Variants in SRGAP1 observed in about 807,000 individuals in gnomAD.
SRGAP1 encodes the protein SLIT-ROBO Rho GTPase activating protein 1.
In SRGAP1, 43 loss-of-function variants were observed where a neutral mutation model predicts 121.9. The observed-to-expected ratio is 0.35, with a 90% CI of 0.28 to 0.46. The LOEUF (loss-of-function observed/expected upper bound fraction) is 0.46. SRGAP1 is among the 20% of genes least tolerant of loss of function. SRGAP1 has a pLI of 1.00. For synonymous variants in SRGAP1, 447 were observed against 485.4 expected (o/e 0.92, Z 1.04); for missense variants, 1,102 against 1,350.9 (o/e 0.82, Z 2.89).
chr12:64,039,628 C>CGTGTGTGTGTGT (rs6144742), intron 4 of SRGAP1, among the ~76,000 whole-genome samples: 4,291 of 130,830 alleles, frequency 0.033, 198 homozygotes, highest in African/African-American at 0.044. Context: ...AGCTGAGCAA[C>CGTGTGTGTGTGT]GTGTGTGTGT....
chr12:63,969,750 T>C (rs1364589014), intron 1 of SRGAP1, among the ~76,000 whole-genome samples: 1 of 151,254 alleles, frequency 6.6e-6, no homozygotes, highest in Non-Finnish European at 1.5e-5. Context: ...ACCGAGATTG[T>C]GCCACTGCAC....
At chr12:63,884,883 C>T (rs941915752) in intron 1 of SRGAP1, among the ~76,000 whole-genome samples, 3 of 151,998 alleles carry the variant, frequency 2.0e-5, no homozygotes, top group African/African-American at 7.3e-5. Context: ...CCACACCCAG[C>T]TAATTTTTCT....
chr12:64,015,880 G>A (rs906155124), intron 3 of SRGAP1, among the ~76,000 whole-genome samples: 2 of 151,932 alleles, frequency 1.3e-5, no homozygotes, highest in African/African-American at 4.8e-5. Context: ...TCCATTTTCT[G>A]TAGCTGACTA....
chr12:64,079,790 G>C (rs757674361), intron 9 of SRGAP1, among the ~76,000 whole-genome samples: 1 of 152,102 alleles, frequency 6.6e-6, no homozygotes, highest in Non-Finnish European at 1.5e-5. Context: ...TGGTACAGAA[G>C]GAACCTGAGA....
At chr12:64,087,626 C>T (rs796160404) in intron 11 of SRGAP1, among the ~76,000 whole-genome samples, 5 of 152,178 alleles carry the variant, frequency 3.3e-5, no homozygotes, top group African/African-American at 1.2e-4. Flanking sequence ...ATCCCAGCTA[C>T]TCAGGAGGCT....
chr12:64,011,923 A>C (rs552191059), intron 3 of SRGAP1, among the ~76,000 whole-genome samples: 1 of 152,068 alleles, frequency 6.6e-6, no homozygotes, highest in Non-Finnish European at 1.5e-5. Context: ...GCAACATGGC[A>C]AAACCCTCTC....
intron 1 of SRGAP1, among the ~76,000 whole-genome samples, chr12:63,846,469 A>G (rs575799998): frequency 1.3e-5 from 2 of 152,240 alleles, no homozygotes; most frequent in East Asian, 3.9e-4. Flanking sequence ...GCACTTCCAA[A>G]TGTTGATTTC....
chr12:63,873,763 G>T (rs1899936677), intron 1 of SRGAP1, among the ~76,000 whole-genome samples: 1 of 151,652 alleles, frequency 6.6e-6, no homozygotes, highest in East Asian at 2.0e-4. Context: ...CAGCGTCCAG[G>T]GTTCAAGTGA....
intron 1 of SRGAP1, among the ~76,000 whole-genome samples, chr12:63,957,617 C>T (rs1273119991): frequency 1.3e-5 from 2 of 152,084 alleles, no homozygotes; most frequent in Non-Finnish European, 2.9e-5. Context: ...CTCGTCCCTG[C>T]CCTTACCCCA....
intron 6 of SRGAP1, among the ~76,000 whole-genome samples, chr12:64,046,927 A>C (rs1172304816): frequency 6.6e-6 from 1 of 152,126 alleles, no homozygotes; most frequent in Non-Finnish European, 1.5e-5. Flanking sequence ...GAAAAAAAAA[A>C]CAAAACAAAA....
intron 1 of SRGAP1, among the ~76,000 whole-genome samples, chr12:63,901,536 T>TGAAC (rs1383739141): frequency 2.6e-5 from 4 of 152,228 alleles, no homozygotes; most frequent in Non-Finnish European, 5.9e-5. Flanking sequence ...TTCTGGTTGT[T>TGAAC]CCTGCTCAGC....
At chr12:64,092,465 CATAT>C (rs199845089) in intron 12 of SRGAP1, among the ~76,000 whole-genome samples, 14,303 of 150,804 alleles carry the variant, frequency 0.095, 967 homozygotes, top group African/African-American at 0.18. Flanking sequence ...GACATACATA[CATAT>C]ATACATACAT....
chr12:63,857,622 G>C (rs1273810463), intron 1 of SRGAP1, among the ~76,000 whole-genome samples: 1 of 152,060 alleles, frequency 6.6e-6, no homozygotes, highest in Non-Finnish European at 1.5e-5. Context: ...GACATCAAGT[G>C]ATCCACCCGC....
chr12:63,993,027 A>T (rs1460941712), intron 3 of SRGAP1, among the ~76,000 whole-genome samples: 1 of 152,162 alleles, frequency 6.6e-6, no homozygotes, highest in African/African-American at 2.4e-5. Context: ...CATCTGTGTT[A>T]TTGCTGGAAG....
chr12:64,111,444 TGAG>T (rs2036428592), intron 16 of SRGAP1, among the ~76,000 whole-genome samples: 1 of 152,190 alleles, frequency 6.6e-6, no homozygotes, highest in South Asian at 2.1e-4. Flanking sequence ...TAAATTTACT[TGAG>T]GAACATTTAG....
chr12:63,908,044 C>T (rs1000313797), intron 1 of SRGAP1, among the ~76,000 whole-genome samples: 1 of 152,144 alleles, frequency 6.6e-6, no homozygotes, highest in Non-Finnish European at 1.5e-5. Context: ...ACTTTTAATT[C>T]TGTTCCATTG....
chr12:64,086,996 C>G lies in SRGAP1; in HGVS notation c.1409-3C>G, dbSNP rs776126701. ...TTACTTACTTTAAATTTTTTTCCTG[C>G]AGGTCATAGAGCTGAATATATGACT... On this transcript the variant is annotated splice_region_variant and splice_polypyrimidine_tract_variant and intron_variant, in intron 10 of 21. Transcript: ENST00000355086. 1.9e-6 allele frequency: 3 copies of G among 1,594,312 alleles called. No individual in the cohort carries two copies.
intron 3 of SRGAP1, among the ~76,000 whole-genome samples, chr12:64,008,160 C>T (rs1235433897): frequency 2.0e-5 from 3 of 152,100 alleles, no homozygotes; most frequent in South Asian, 2.1e-4. Flanking sequence ...TATTTTACAG[C>T]GGAAACAGCT....
intron 1 of SRGAP1, among the ~76,000 whole-genome samples, chr12:63,913,480 T>TATATATATATATATATATATATATGG (rs1439123798): frequency 2.4e-3 from 258 of 108,308 alleles, no homozygotes; most frequent in South Asian, 3.4e-3. Flanking sequence ...TATATATGGA[T>TATATATATATATATATATATATATGG]ATATATATAT....
Sources: allele counts gnomAD v4.1 joint callset (sites outside exome capture counted in the v4.1 genomes callset), GRCh38; gene constraint gnomAD v4.1.1; transcripts MANE v1.5; gene names NCBI Gene and HGNC (gene_info 2026-07-23, HGNC 2026-07-21).